The following RGL3 variants were observed in gnomAD, a reference collection of about 807,000 sequenced individuals.
The protein encoded by RGL3 is ral guanine nucleotide dissociation stimulator-like 3.
A neutral mutation model predicts 90.6 loss-of-function variants in RGL3; 85 were observed. That is an observed-to-expected ratio of 0.94 (90% CI 0.79 to 1.12). RGL3 has a LOEUF of 1.12. Among genes scored for constraint, RGL3 ranks in the 50% most tolerant of loss-of-function variants. RGL3 has a pLI of 0.00. For synonymous variants in RGL3, 408 were observed against 385.5 expected (o/e 1.06, Z -0.68); for missense variants, 1,034 against 939.2 (o/e 1.10, Z -1.32).
In RGL3 at chr19:11,404,943, G is replaced by A. The variant is rs181018450; in HGVS notation, c.1185+204C>T. 1.7e-3 allele frequency among the ~76,000 whole-genome samples: 255 copies of A among 152,098 alleles called. 2 individuals carry two copies. Among genetic ancestry groups the A allele is most frequent in the Non-Finnish European group, 2.9e-4 (20 of 68,014 alleles). ...TGTGTTTTGCTGAGTGAATAAATAG[G>A]GCAGTCACTGACAGTCAACTATAAC... On this transcript the variant is annotated intron_variant, in intron 9 of 18. Transcript: ENST00000380456.
intron 13 of RGL3, among the ~76,000 whole-genome samples, chr19:11,401,290 G>A (rs1284887798): frequency 2.0e-5 from 3 of 149,912 alleles, no homozygotes; most frequent in Admixed American, 6.7e-5. Context: ...CTGCAGTGGC[G>A]TGATTTTGGC....
rs755408999 is a variant in RGL3, at chr19:11,418,707, C to T, written c.111G>A (p.Gln37=). 10 of 1,573,218 alleles carry T rather than the reference C, an allele frequency of 6.4e-6. No homozygotes were observed. The highest frequency in any genetic ancestry group is 6.9e-6 in the Non-Finnish European group (8 of 1,164,934). Residue 37 remains glutamine (Q), a synonymous_variant, in exon 2 of 19, where the codon CAG becomes CAA. Transcript: ENST00000380456. ...YSVSLRRQRS[Q]RRSPAEGPGG... is the part of the protein sequence containing the mutation. ...CGGGGCCCTCCGCCGGGCTCCTGCG[C>T]TGACTGCGCTGCCGCCGCAGGGAGA...
chr19:11,397,509 G>A lies in RGL3; in HGVS notation c.1835C>T (p.Ser612Leu), dbSNP rs536764443. ...GCTGACGCGGATGACACGGGCCTCC[G>A]AGCTCTGCTGCGCCGGGAGGGGGAT... The part of the protein sequence containing the change: ...PRIPLPAQQS[S>L]EARVIRVSID... Residue 612 changes from serine to leucine, a missense_variant, in exon 17 of 19, where the codon TCG becomes TTG. Coordinates refer to ENST00000380456, the MANE Select transcript of RGL3 (RefSeq NM_001035223.4). 2.0e-5 allele frequency: 33 copies of A among 1,613,590 alleles called. No homozygotes were observed. The South Asian group carries it at 2.7e-4, about 13-fold the overall frequency.
At chr19:11,401,652 C>T (rs1270911666) in intron 13 of RGL3, among the ~76,000 whole-genome samples, 3 of 151,944 alleles carry the variant, frequency 2.0e-5, no homozygotes, top group Admixed American at 1.3e-4. Context: ...TCACCCGCCT[C>T]GGCCTCCCAA....
At chr19:11,417,470 C>CT (rs66697430) in intron 2 of RGL3, among the ~76,000 whole-genome samples, 9,126 of 114,500 alleles carry the variant, frequency 0.08, 532 homozygotes, top group Admixed American at 0.1. Context: ...CCTAGCACCA[C>CT]TTTTTTTTTT....
At chr19:11,394,541 T>C (rs777029264) in intron 18 of RGL3, 21 bp from the exon 19 acceptor site, 2 of 1,570,370 alleles carry the variant, frequency 1.3e-6, no homozygotes, top group Non-Finnish European at 1.8e-6. Context: ...GTGGAGATGG[T>C]GGTAATAGGC....
In RGL3 at chr19:11,415,991, A is replaced by T; in HGVS notation, c.583T>A (p.Phe195Ile). The part of the protein sequence containing the change: ...AQKAEKLLED[F>I]LEEAEREQEE... ...TGCTCTCGCTCAGCCTCCTCCAAAA[A>T]ATCTTCCAGAAGCTTCTCTGCTTTT... The change falls in exon 5 of 19, where the codon TTT (phenylalanine) becomes ATT (isoleucine). Residue 195 changes from phenylalanine (F) to isoleucine (I), a missense_variant. By Grantham distance (21) the Phe-to-Ile change is conservative (BLOSUM62 0). Transcript: ENST00000380456. The T allele has an allele frequency of 6.2e-7, 1 of 1,613,700 alleles. No individual in the cohort carries two copies. The highest frequency in any genetic ancestry group is 8.5e-7 in the Non-Finnish European group (1 of 1,179,922).
chr19:11,403,463 ACT>A (rs1968716928), intron 9 of RGL3, among the ~76,000 whole-genome samples: 1 of 150,012 alleles, frequency 6.7e-6, no homozygotes, highest in Non-Finnish European at 1.5e-5. Flanking sequence ...ACAGAGTGAA[ACT>A]CTGTTTCTAC....
At position 11,405,318 on chromosome 19, in the gene RGL3, C is replaced by T; in HGVS notation, c.1100+5G>A. The T allele has an allele frequency of 6.2e-7, 1 of 1,613,386 alleles. No individual in the cohort carries two copies. ...GGCTGGGGAACAGGTCCCGCCCCAG[C>T]TCACCGGCTCACTGCCCCCCAGCTG... On this transcript the variant is annotated splice_donor_5th_base_variant and intron_variant, in intron 8 of 18. Transcript: ENST00000380456.
At chr19:11,409,686 C>T (rs1968841604) in intron 5 of RGL3, among the ~76,000 whole-genome samples, 19 of 151,992 alleles carry the variant, frequency 1.3e-4, no homozygotes, top group Admixed American at 1.2e-3. Context: ...AAATGATGTC[C>T]CCAGAACCTA....
Position 11,414,514 on chromosome 19 carries a change from T to C in RGL3, c.637+1423A>G, listed in dbSNP as rs1288327535. On this transcript the variant is annotated intron_variant, in intron 5 of 18. Transcript: ENST00000380456. The stretch of plus-strand genomic sequence containing the variant: ...TCATATATATATATATATATATATA[T>C]ATATATATATATATACCTTTATATA... Among the ~76,000 whole-genome samples the C allele has an allele frequency of 2.3e-4, 26 of 110,832 alleles. 3 individuals carry two copies. Among genetic ancestry groups the C allele is most frequent in the African/African-American group, 9.9e-4 (26 of 26,314 alleles). The allele number at this position is 110,832 out of a possible 152,430, so 72.7% of individuals were successfully genotyped here.
At chr19:11,409,286 C>G (rs900969364) in intron 5 of RGL3, among the ~76,000 whole-genome samples, 1 of 152,262 alleles carries the variant, frequency 6.6e-6, no homozygotes, top group African/African-American at 2.4e-5. Flanking sequence ...CGAGACCATC[C>G]TGGCTAACAT....
intron 5 of RGL3, among the ~76,000 whole-genome samples, chr19:11,415,176 A>T (rs1053522423): frequency 7.9e-5 from 12 of 151,896 alleles, no homozygotes; most frequent in African/African-American, 2.9e-4. Flanking sequence ...ATTAAATTTA[A>T]AAAGAAATTC....
At chr19:11,403,128 G>A (rs1224360494) in intron 9 of RGL3, among the ~76,000 whole-genome samples, 3 of 151,196 alleles carry the variant, frequency 2.0e-5, no homozygotes, top group South Asian at 2.1e-4. Flanking sequence ...TCCGCCCCCC[G>A]GGGTTCACGC....
intron 5 of RGL3, among the ~76,000 whole-genome samples, chr19:11,415,151 AT>A (rs1213637928): frequency 1.3e-5 from 2 of 151,754 alleles, no homozygotes; most frequent in African/African-American, 2.4e-5. Context: ...AGATAAAAAA[AT>A]AAAATTAAAT....
Position 11,416,035 on chromosome 19 carries a change from G to T in RGL3, c.539C>A (p.Pro180Gln), listed in dbSNP as rs1451847431. 2 of 1,613,804 alleles carry T rather than the reference G, an allele frequency of 1.2e-6. No individual in the cohort carries two copies. Among genetic ancestry groups the T allele is most frequent in the East Asian group, 2.2e-5 (1 of 44,864 alleles). ...TGCTTTTTGAGCCTCAGCACTCCCT[G>T]GGGCCGCCCAGCCCAGAAAGGTTCG... is the stretch of plus-strand genomic sequence containing the variant. ...SVRTFLGWAAPGSAEAQKAEK... is the reference protein window; with the variant it reads ...SVRTFLGWAAQGSAEAQKAEK... Residue 180 changes from proline to glutamine, a missense_variant, in exon 5 of 19, where the codon CCA becomes CAA. Physicochemically the swap from Pro to Gln is moderately conservative, Grantham distance 76. Transcript: ENST00000380456.
chr19:11,398,696 C>T lies in RGL3; in HGVS notation c.1747-1099G>A, dbSNP rs1968619348. On this transcript the variant is annotated intron_variant, in intron 16 of 18. Coordinates refer to ENST00000380456, the MANE Select transcript of RGL3 (RefSeq NM_001035223.4). ...TTTTTGTTTTTCTTTTAGAGGGAGC[C>T]TCGCTCTGTCACCAGGCTGGATGGA... Among the ~76,000 whole-genome samples, 3 of 150,670 alleles carry T rather than the reference C, an allele frequency of 2.0e-5. No individual in the cohort carries two copies. In the Admixed American group the frequency reaches 2.0e-4, roughly 10 times the overall value.
chr19:11,415,226 G>A (rs983606916), intron 5 of RGL3, among the ~76,000 whole-genome samples: 4 of 150,592 alleles, frequency 2.7e-5, no homozygotes, highest in African/African-American at 9.7e-5. Flanking sequence ...ATAGTGGCTC[G>A]CGCCTGTAAT....
chr19:11,419,209 C>T (rs757295402), intron 1 of RGL3, 37 bp downstream of exon 1: 2 of 1,584,198 alleles, frequency 1.3e-6, no homozygotes, highest in Admixed American at 1.8e-5. Flanking sequence ...TGCGGGTCAC[C>T]AGGGATGCGG....
Sources: gnomAD v4.1 joint callset for allele counts (sites outside exome capture counted in the v4.1 genomes callset) on GRCh38, gnomAD v4.1.1 for gene constraint, MANE v1.5 for transcripts, NCBI Gene and HGNC (gene_info 2026-07-23, HGNC 2026-07-21) for gene names.